DNAAF9: variants seen among roughly 807,000 people sequenced by gnomAD.
DNAAF9 encodes shulin.
A neutral mutation model predicts 167.0 loss-of-function variants in DNAAF9; 90 were observed. The observed-to-expected ratio is 0.54, with a 90% confidence interval of 0.45 to 0.64. DNAAF9 has a LOEUF of 0.64. Among genes scored for constraint, DNAAF9 ranks in the 30% least tolerant of loss-of-function variants. DNAAF9 has a pLI of 0.00. For synonymous variants in DNAAF9, 491 were observed against 508.8 expected (o/e 0.96, Z 0.47); for missense variants, 1,315 against 1,442.2 (o/e 0.91, Z 1.43).
At chr20:3,398,197 G>T (rs939732489) in intron 1 of DNAAF9, among the ~76,000 whole-genome samples, 2 of 152,194 alleles carry the variant, frequency 1.3e-5, no homozygotes, top group Admixed American at 1.3e-4. Context: ...CCTTGGGGAA[G>T]ATATATTCGT....
intron 14 of DNAAF9, 68 bp from the exon 15 acceptor site, chr20:3,322,764 A>AC: frequency 1.8e-6 from 2 of 1,142,120 alleles, no homozygotes; most frequent in Non-Finnish European, 2.7e-6. Flanking sequence ...TGTGCAGGGT[A>AC]CCTGCTTGGG....
intron 12 of DNAAF9, among the ~76,000 whole-genome samples, chr20:3,330,010 C>T (rs1343582500): frequency 1.3e-5 from 2 of 152,146 alleles, no homozygotes; most frequent in South Asian, 4.1e-4. Context: ...ACATGATTCT[C>T]CCAATGGATT....
chr20:3,267,707 C>G (rs751664654), intron 30 of DNAAF9, among the ~76,000 whole-genome samples: 4 of 152,010 alleles, frequency 2.6e-5, no homozygotes, highest in African/African-American at 4.8e-5. Flanking sequence ...TGGTGGTATG[C>G]ACTTGTAATC....
chr20:3,262,256 T>C (rs1360348770), intron 31 of DNAAF9, among the ~76,000 whole-genome samples: 1 of 151,546 alleles, frequency 6.6e-6, no homozygotes, highest in Non-Finnish European at 1.5e-5. Flanking sequence ...TTCTTTTTTT[T>C]TTTTTTTTTT....
At chr20:3,297,961 C>T in intron 22 of DNAAF9, 68 bp downstream of exon 22, 1 of 1,264,030 alleles carries the variant, frequency 7.9e-7, no homozygotes, top group Non-Finnish European at 1.1e-6. Flanking sequence ...AAAATGATGC[C>T]TTACCATTTA....
chr20:3,360,449 C>A (rs1600855268), intron 6 of DNAAF9, among the ~76,000 whole-genome samples: 2 of 152,146 alleles, frequency 1.3e-5, no homozygotes, highest in East Asian at 3.9e-4. Flanking sequence ...ATCCTAACAT[C>A]ATTTAATATC....
intron 8 of DNAAF9, among the ~76,000 whole-genome samples, chr20:3,347,892 A>C (rs1216877833): frequency 6.6e-6 from 1 of 152,116 alleles, no homozygotes; most frequent in African/African-American, 2.4e-5. Context: ...ACTGCACTCC[A>C]GCCTGGGCGA....
chr20:3,262,439 C>T (rs765661724), intron 31 of DNAAF9, among the ~76,000 whole-genome samples: 9 of 151,812 alleles, frequency 5.9e-5, no homozygotes, highest in Non-Finnish European at 8.8e-5. Context: ...TTAATAGAGA[C>T]GGGGTTTCAC....
intron 11 of DNAAF9, among the ~76,000 whole-genome samples, chr20:3,331,625 G>A (rs903016676): frequency 1.3e-5 from 2 of 152,086 alleles, no homozygotes; most frequent in Admixed American, 6.5e-5. Flanking sequence ...CAGTCCAGTG[G>A]GCACCTGGCT....
chr20:3,294,250 G>A lies in DNAAF9; in HGVS notation c.2127C>T (p.Leu709=), dbSNP rs749359052. The A allele has an allele frequency of 6.2e-7, 1 of 1,603,700 alleles. No individual in the cohort carries two copies. The highest frequency in any genetic ancestry group is 8.5e-7 in the Non-Finnish European group (1 of 1,170,638). The change falls in exon 25 of 37, where the codon CTC becomes CTT. Residue 709 remains leucine (L), a synonymous_variant. Coordinates refer to ENST00000252032, the MANE Select transcript of DNAAF9 (RefSeq NM_001009984.3). ...TAATGCTGCTGATGGCGAAATGCTG[G>A]AGAAACCTAAAAACACAAAGACAAT... The part of the protein sequence containing the change: ...SAKLPELDWF[L]QHFAISSISQ...
intron 10 of DNAAF9, among the ~76,000 whole-genome samples, chr20:3,338,321 A>G (rs2070006251): frequency 6.6e-6 from 1 of 152,110 alleles, no homozygotes; most frequent in African/African-American, 2.4e-5. Context: ...ATGGTTTCTG[A>G]TAAGAAGTCC....
In DNAAF9 at chr20:3,255,216, C is replaced by T. The variant is rs1013208976; in HGVS notation, c.3327+3G>A. 5 of 1,544,788 alleles carry T rather than the reference C, an allele frequency of 3.2e-6. No individual in the cohort carries two copies. In the East Asian group the frequency reaches 9.8e-5, roughly 30 times the overall value. ...AGGGGAGAAGCCAGGGCAAGGCACTCACGTGGATGCTCCTGATCTCCTGTT... is the reference window on the plus strand; with the variant it reads ...AGGGGAGAAGCCAGGGCAAGGCACTTACGTGGATGCTCCTGATCTCCTGTT... On this transcript the variant is annotated splice_donor_region_variant and intron_variant, in intron 35 of 36. Coordinates refer to ENST00000252032, the MANE Select transcript of DNAAF9 (RefSeq NM_001009984.3).
At position 3,252,428 on chromosome 20, in the gene DNAAF9, C is replaced by T; in HGVS notation, c.*144G>A. 1 of 622,858 alleles carries T rather than the reference C, an allele frequency of 1.6e-6. No individual in the cohort carries two copies. The highest frequency in any genetic ancestry group is 2.9e-6 in the Non-Finnish European group (1 of 343,702). The allele number at this position is 622,858 out of a possible 1,614,324, so 38.6% of individuals were successfully genotyped here. A position where few individuals can be genotyped will look rare whatever the true frequency, so the allele number is the denominator to read the frequency against. Reference sequence around the variant, plus strand: ...AGCGCTATACAGGGAATAAAGACAACATGCACTCAAGCCAGCCCACACAGG... The same window carrying T: ...AGCGCTATACAGGGAATAAAGACAATATGCACTCAAGCCAGCCCACACAGG... On this transcript the variant is annotated 3_prime_UTR_variant, in exon 37 of 37. Coordinates refer to ENST00000252032, the MANE Select transcript of DNAAF9 (RefSeq NM_001009984.3).
intron 25 of DNAAF9, among the ~76,000 whole-genome samples, chr20:3,291,944 C>T (rs957966448): frequency 3.3e-5 from 5 of 152,044 alleles, no homozygotes; most frequent in African/African-American, 7.2e-5. Context: ...CCCCTCAAAT[C>T]GCAGCACATG....
intron 1 of DNAAF9, among the ~76,000 whole-genome samples, chr20:3,402,078 G>T (rs538232204): frequency 6.6e-6 from 1 of 152,206 alleles, no homozygotes; most frequent in Non-Finnish European, 1.5e-5. Context: ...CTGAGAGTTT[G>T]GCTGGGTGCA....
chr20:3,405,467 A>C (rs116094451), intron 1 of DNAAF9, among the ~76,000 whole-genome samples: 1 of 152,346 alleles, frequency 6.6e-6, no homozygotes, highest in African/African-American at 2.4e-5. Context: ...AAGCACGTTC[A>C]ATCATGTAGA....
intron 1 of DNAAF9, among the ~76,000 whole-genome samples, chr20:3,386,537 C>A (rs1292555611): frequency 6.6e-6 from 1 of 152,090 alleles, no homozygotes; most frequent in African/African-American, 2.4e-5. Context: ...AGAAAATATT[C>A]TGGACCTAGG....
intron 1 of DNAAF9, among the ~76,000 whole-genome samples, chr20:3,392,254 G>A (rs1274110878): frequency 1.3e-5 from 2 of 152,188 alleles, no homozygotes; most frequent in Non-Finnish European, 2.9e-5. Context: ...ACCTGAGCAT[G>A]TGGTCACCAA....
intron 10 of DNAAF9, among the ~76,000 whole-genome samples, chr20:3,335,422 G>A (rs1344418529): frequency 1.3e-5 from 2 of 152,084 alleles, no homozygotes; most frequent in Admixed American, 6.6e-5. Context: ...ACTTCCTTCT[G>A]GCCTTCATGG....
Sources: allele counts gnomAD v4.1 joint callset (sites outside exome capture counted in the v4.1 genomes callset), GRCh38; gene constraint gnomAD v4.1.1; transcripts MANE v1.5; gene names NCBI Gene and HGNC (gene_info 2026-07-23, HGNC 2026-07-21).